Variants in C1QTNF3 observed in about 807,000 individuals in gnomAD.
C1QTNF3 encodes complement C1q tumor necrosis factor-related protein 3.
A neutral mutation model predicts 32.6 loss-of-function variants in C1QTNF3; 26 were observed. The ratio of observed to expected loss-of-function variants is 0.80; its 90% CI spans 0.58 to 1.11. C1QTNF3 has a LOEUF of 1.11. Ranked by LOEUF, C1QTNF3 falls within the 50% of genes least tolerant of loss-of-function variation. The pLI, the probability that C1QTNF3 is intolerant of heterozygous loss-of-function variation, is 0.00. For synonymous variants in C1QTNF3, 155 were observed against 146.0 expected (o/e 1.06, Z -0.44); for missense variants, 362 against 398.2 (o/e 0.91, Z 0.77).
At chr5:34,056,448 G>GTA in the C1QTNF3 span, among the ~76,000 whole-genome samples, 43 of 42,676 alleles carry the variant, frequency 1.0e-3, 2 homozygotes, top group African/African-American at 3.5e-3. Context: ...GTGTGTGTGT[G>GTA]TGTGTGTATA....
At chr5:34,078,567 G>GA in the C1QTNF3 span, among the ~76,000 whole-genome samples, 1 of 151,464 alleles carries the variant, frequency 6.6e-6, no homozygotes. This position sits in a 1 kb window ranked among gnomAD's most constrained non-coding sequence, Gnocchi z 4.0. Flanking sequence ...CTCCATGATC[G>GA]AATCACCTCC....
At chr5:34,068,337 G>C in the C1QTNF3 span, among the ~76,000 whole-genome samples, 1 of 151,896 alleles carries the variant, frequency 6.6e-6, no homozygotes, top group Non-Finnish European at 1.5e-5. Context: ...TTTGTCTGAT[G>C]ATTTTATATT....
rs1405886419 is a variant in C1QTNF3 at position 34,020,006 on chromosome 5, AT to A, written c.*576del. On this transcript the variant is annotated 3_prime_UTR_variant, in exon 6 of 6. Transcript: ENST00000382065. ...ACTGGTCAAGCACTTTATAGCTAAAATCTATTGACTTTAAAATAGCATTGTA... is the reference window on the plus strand; with the variant it reads ...ACTGGTCAAGCACTTTATAGCTAAAACTATTGACTTTAAAATAGCATTGTA... 2 of 152,638 alleles carry A rather than the reference AT, an allele frequency of 1.3e-5. No homozygotes were observed. The highest frequency in any genetic ancestry group is 1.3e-4 in the Admixed American group (2 of 15,354). The allele number at this position is 152,638 out of a possible 1,614,324, so 9.5% of individuals were successfully genotyped here.
the C1QTNF3 span, among the ~76,000 whole-genome samples, chr5:34,116,101 A>G: frequency 6.6e-6 from 1 of 152,122 alleles, no homozygotes; most frequent in African/African-American, 2.4e-5. Flanking sequence ...GCATTTTCAA[A>G]CCTTTCTTGT....
chr5:34,132,284 C>G, the C1QTNF3 span, among the ~76,000 whole-genome samples: 1 of 151,900 alleles, frequency 6.6e-6, no homozygotes. Context: ...ACTTGAGAGG[C>G]TGAGGCAGGA....
the C1QTNF3 span, among the ~76,000 whole-genome samples, chr5:34,116,373 T>C: frequency 6.6e-6 from 1 of 152,348 alleles, no homozygotes; most frequent in African/African-American, 2.4e-5. Context: ...TTAAAATCTT[T>C]TTCTTTATTG....
chr5:34,223,904 A>G, the C1QTNF3 span, among the ~76,000 whole-genome samples: 1 of 152,100 alleles, frequency 6.6e-6, no homozygotes, highest in Non-Finnish European at 1.5e-5. Context: ...AGAAAACCCC[A>G]TTGTCTCAGC....
chr5:34,148,316 C>T, the C1QTNF3 span, among the ~76,000 whole-genome samples: 50,450 of 108,906 alleles, frequency 0.46, 12,985 homozygotes, highest in Non-Finnish European at 0.58. Flanking sequence ...CTTAGGTAAA[C>T]AAAGCAGCCA....
Position 34,020,304 on chromosome 5 carries a change from C to A in C1QTNF3, c.*279G>T. On this transcript the variant is annotated 3_prime_UTR_variant, in exon 6 of 6. Transcript: ENST00000382065. ...CTGTGATAGAAAAAAATATTTCCAA[C>A]CTGCGTCAGAGGAGAATTATCTTTT... 3.3e-6 allele frequency: 1 copy of A among 303,708 alleles called. No homozygotes were observed. The highest frequency in any genetic ancestry group is 4.6e-5 in the Admixed American group (1 of 21,842). 18.8% of individuals were successfully genotyped at this position (303,708 alleles called of 1,614,324 possible).
the C1QTNF3 span, among the ~76,000 whole-genome samples, chr5:34,230,245 G>C: frequency 6.6e-6 from 1 of 152,172 alleles, no homozygotes; most frequent in African/African-American, 2.4e-5. Context: ...TTATTCCACA[G>C]AGCCTATAGA....
At chr5:34,115,353 C>A in the C1QTNF3 span, among the ~76,000 whole-genome samples, 1 of 152,078 alleles carries the variant, frequency 6.6e-6, no homozygotes, top group African/African-American at 2.4e-5. Context: ...GTGAGAGACA[C>A]AATTTTAGAA....
chr5:34,219,013 A>G, the C1QTNF3 span, among the ~76,000 whole-genome samples: 35 of 152,244 alleles, frequency 2.3e-4, no homozygotes, highest in East Asian at 6.6e-3. Context: ...TCATTTAAAC[A>G]AGATCATTAT....
chr5:34,234,256 T>C, the C1QTNF3 span, among the ~76,000 whole-genome samples: 1 of 152,178 alleles, frequency 6.6e-6, no homozygotes, highest in Non-Finnish European at 1.5e-5. Context: ...TGCTTACATA[T>C]CAGTTTACCG....
chr5:34,172,960 G>A, the C1QTNF3 span, among the ~76,000 whole-genome samples: 1 of 152,108 alleles, frequency 6.6e-6, no homozygotes, highest in African/African-American at 2.4e-5. Flanking sequence ...TACTTCTGTA[G>A]GATAGATTCT....
chr5:34,044,063 C>A (rs1319090115), upstream of C1QTNF3, among the ~76,000 whole-genome samples: 1 of 152,080 alleles, frequency 6.6e-6, no homozygotes, highest in Non-Finnish European at 1.5e-5. Context: ...CTTAGTGAGA[C>A]CCTGTCTCTA....
chr5:34,092,552 G>C, the C1QTNF3 span, among the ~76,000 whole-genome samples: 2 of 145,788 alleles, frequency 1.4e-5, no homozygotes, highest in Admixed American at 1.3e-4. Flanking sequence ...AATTTAAAAA[G>C]TAATCTTATT....
chr5:34,184,493 C>T, the C1QTNF3 span, among the ~76,000 whole-genome samples: 3 of 152,366 alleles, frequency 2.0e-5, no homozygotes, highest in East Asian at 5.8e-4. Context: ...GCAGGCAGAT[C>T]GCATGAGGTC....
intron 4 of C1QTNF3, among the ~76,000 whole-genome samples, chr5:34,026,608 A>C (rs1392237134): frequency 6.6e-6 from 1 of 152,102 alleles, no homozygotes; most frequent in Non-Finnish European, 1.5e-5. Flanking sequence ...AGAAAAACGC[A>C]CATTAGGGCC....
chr5:34,207,766 G>T, the C1QTNF3 span, among the ~76,000 whole-genome samples: 41 of 151,856 alleles, frequency 2.7e-4, no homozygotes, highest in African/African-American at 9.2e-4. Context: ...AACTCAAATT[G>T]TGTGACTTAG....
Sources: gnomAD v4.1 joint callset for allele counts (sites outside exome capture counted in the v4.1 genomes callset) on GRCh38, gnomAD v4.1.1 for gene constraint, Gnocchi (gnomAD v3.1) non-coding constraint, MANE v1.5 for transcripts, NCBI Gene and HGNC (gene_info 2026-07-23, HGNC 2026-07-21) for gene names.